MIA2: variants seen among roughly 807,000 people sequenced by gnomAD.
The protein encoded by MIA2 is melanoma inhibitory activity protein 2.
MIA2 carries 127 observed loss-of-function variants against 167.8 expected under a neutral mutation model. The observed-to-expected ratio is 0.76, with a 90% CI of 0.66 to 0.88. The LOEUF is 0.88. Ranked by LOEUF, MIA2 falls within the 40% of genes least tolerant of loss-of-function variation. MIA2 has a pLI of 0.00. For synonymous variants in MIA2, 552 were observed against 541.9 expected, an observed-to-expected ratio of 1.02 and a Z score of -0.26; for missense variants, 1,690 against 1,624.7, an observed-to-expected ratio of 1.04 and a Z score of -0.69.
intron 23 of MIA2, among the ~76,000 whole-genome samples, chr14:39,382,151 C>T (rs1050244239): frequency 6.6e-6 from 1 of 152,182 alleles, no homozygotes; most frequent in Non-Finnish European, 1.5e-5. Flanking sequence ...ACTCACCTTT[C>T]TTGTTGGAAG....
At chr14:39,353,638 C>G (rs368036193), downstream of MIA2, among the ~76,000 whole-genome samples, 1 of 152,008 alleles carries the variant, frequency 6.6e-6, no homozygotes, top group Non-Finnish European at 1.5e-5. Context: ...TGTTACATAT[C>G]TATACATGTG....
At chr14:39,266,249 G>C (rs1032250945) in intron 6 of MIA2, 3 of 985,396 alleles carry the variant, frequency 3.0e-6, no homozygotes, top group Non-Finnish European at 3.6e-6. Flanking sequence ...GATCATGCTG[G>C]CAAGGAAGAC....
chr14:39,374,474 T>C (rs538631439), intron 23 of MIA2, among the ~76,000 whole-genome samples: 1 of 152,366 alleles, frequency 6.6e-6, no homozygotes, highest in South Asian at 2.1e-4. Context: ...TGAGAACAGA[T>C]ATGATGATGG....
chr14:39,346,929 T>C, intron 26 of MIA2: 1 of 322,056 alleles, frequency 3.1e-6, no homozygotes, highest in Non-Finnish European at 6.3e-6. Flanking sequence ...TTTTATTTTA[T>C]TTATTTTTTA....
At chr14:39,318,422 G>T (rs929801572) in intron 22 of MIA2, among the ~76,000 whole-genome samples, 1 of 152,038 alleles carries the variant, frequency 6.6e-6, no homozygotes, top group Non-Finnish European at 1.5e-5. Flanking sequence ...GGGTGACATT[G>T]TTTTACAATA....
chr14:39,360,012 G>A (rs1464671375), intron 23 of MIA2, among the ~76,000 whole-genome samples: 1 of 64,874 alleles, frequency 1.5e-5, no homozygotes, highest in Non-Finnish European at 3.5e-5. Context: ...TTTTTTTTTT[G>A]TCTTATTAAT....
chr14:39,384,846 C>A (rs1361641480), intron 23 of MIA2, among the ~76,000 whole-genome samples: 1 of 152,154 alleles, frequency 6.6e-6, no homozygotes, highest in Non-Finnish European at 1.5e-5. Flanking sequence ...CCTGAGAATC[C>A]TTAATTTTAA....
At chr14:39,343,478 G>A (rs1345689414) in intron 25 of MIA2, among the ~76,000 whole-genome samples, 1 of 150,906 alleles carries the variant, frequency 6.6e-6, no homozygotes, top group Non-Finnish European at 1.5e-5. Flanking sequence ...TCTCCCCATC[G>A]CCCTCAACAG....
intron 7 of MIA2, among the ~76,000 whole-genome samples, chr14:39,278,419 T>A (rs1212854314): frequency 6.6e-6 from 1 of 151,998 alleles, no homozygotes; most frequent in Non-Finnish European, 1.5e-5. Flanking sequence ...AACTGAAATC[T>A]ATTCTTCATC....
intron 6 of MIA2, among the ~76,000 whole-genome samples, chr14:39,255,125 T>G (rs2054760926): frequency 6.6e-6 from 1 of 152,184 alleles, no homozygotes; most frequent in East Asian, 1.9e-4. Flanking sequence ...TCAAGAGAGT[T>G]GACATTACAT....
intron 23 of MIA2, among the ~76,000 whole-genome samples, chr14:39,377,983 A>G (rs973442664): frequency 1.3e-5 from 2 of 152,192 alleles, no homozygotes; most frequent in African/African-American, 4.8e-5. Context: ...GGACCCTGTA[A>G]AGAACAAGGT....
chr14:39,276,293 CAGA>C (rs1342032294), intron 6 of MIA2: 1 of 152,278 alleles, frequency 6.6e-6, no homozygotes, highest in African/African-American at 2.4e-5. Context: ...AGGCCATGGT[CAGA>C]AGATCAGGGT....
intron 6 of MIA2, among the ~76,000 whole-genome samples, chr14:39,270,156 C>T (rs2056866120): frequency 6.6e-6 from 1 of 151,622 alleles, no homozygotes; most frequent in Non-Finnish European, 1.5e-5. Flanking sequence ...TTTTAATTGC[C>T]ACCCTTGTGG....
intron 9 of MIA2, among the ~76,000 whole-genome samples, chr14:39,280,161 C>A (rs74589809): frequency 6.6e-6 from 1 of 152,088 alleles, no homozygotes; most frequent in Non-Finnish European, 1.5e-5. Flanking sequence ...TCTTAAGTCA[C>A]TGAATATATG....
Position 39,289,731 on chromosome 14 carries a change from CGTTGGCCTCCCAA to C in MIA2, c.2131-1287_2131-1275del, listed in dbSNP as rs1274850141. Among the ~76,000 whole-genome samples the C allele has an allele frequency of 3.9e-5, 6 of 152,294 alleles. No individual in the cohort carries two copies. In the East Asian group the frequency reaches 1.2e-3, roughly 29 times the overall value. On this transcript the variant is annotated intron_variant, in intron 9 of 28. Coordinates refer to ENST00000640607, the MANE Select transcript of MIA2 (RefSeq NM_001329214.4). ...CTCTTGGCCTCAAGTGATCCTCCCA[CGTTGGCCTCCCAA>C]AATGCTGGGATTACAGACATGAGCT...
Position 39,240,762 on chromosome 14 carries a change from G to A in MIA2, c.336+115G>A, listed in dbSNP as rs1206791715. The A allele has an allele frequency of 6.4e-6, 4 of 624,098 alleles. No homozygotes were observed. The African/African-American group carries it at 7.6e-5, about 12-fold the overall frequency. The allele number at this position is 624,098 out of a possible 1,614,324, so 38.7% of individuals were successfully genotyped here. On this transcript the variant is annotated intron_variant, in intron 3 of 28. Transcript: ENST00000640607. ...CCTTTTATAGTAAATGCATAAAATA[G>A]TTGGCCTGAGAACTTACTCTAGGAA...
At chr14:39,260,834 G>GT (rs1313902434) in intron 6 of MIA2, among the ~76,000 whole-genome samples, 1 of 152,058 alleles carries the variant, frequency 6.6e-6, no homozygotes, top group Non-Finnish European at 1.5e-5. Context: ...GGTTTTTATG[G>GT]TTTTAGGTCT....
rs2061832220 is a variant in MIA2 at position 39,298,530 on chromosome 14, G to GTTTTGTTTTTTTTTTT, written c.2497-1330_2497-1329insGTTTTTTTTTTTTTTT. 8.0e-4 allele frequency among the ~76,000 whole-genome samples: 21 copies of GTTTTGTTTTTTTTTTT among 26,176 alleles called. 1 individual carries two copies. Among genetic ancestry groups the GTTTTGTTTTTTTTTTT allele is most frequent in the Non-Finnish European group, 1.3e-3 (20 of 14,982 alleles). 17.2% of individuals were successfully genotyped at this position (26,176 alleles called of 152,430 possible). On this transcript the variant is annotated intron_variant, in intron 13 of 28. Coordinates refer to ENST00000640607, the MANE Select transcript of MIA2 (RefSeq NM_001329214.4). ...AATAATTACTGTTTGGTAGAACAGA[G>GTTTTGTTTTTTTTTTT]TTTTTTTTTTTTTTTTTTTTTTTTG... is the stretch of plus-strand genomic sequence containing the variant.
rs777065212 is a variant in MIA2, at chr14:39,327,036, A to G, written c.3655+14A>G. 1.1e-5 allele frequency: 16 copies of G among 1,462,006 alleles called. No individual in the cohort carries two copies. Among genetic ancestry groups the G allele is most frequent in the East Asian group, 7.9e-5 (3 of 38,020 alleles). The allele number at this position is 1,462,006 out of a possible 1,614,324, so 90.6% of individuals were successfully genotyped here. ...TTCCTCCGCCAGGTATGTAAAGACA[A>G]TAGTTATTATTTCTCTTTGAAAGGC... is the stretch of plus-strand genomic sequence containing the variant. On this transcript the variant is annotated intron_variant, in intron 25 of 28. Transcript: ENST00000640607.
Sources: allele counts gnomAD v4.1 joint callset (sites outside exome capture counted in the v4.1 genomes callset), GRCh38; gene constraint gnomAD v4.1.1; transcripts MANE v1.5; gene names NCBI Gene and HGNC (gene_info 2026-07-23, HGNC 2026-07-21).